Variants in TMEM225B observed in about 807,000 individuals in gnomAD.
TMEM225B encodes transmembrane protein 225B, also known as transmembrane protein 225-like.
TMEM225B carries 10 observed loss-of-function variants against 16.9 expected under a neutral mutation model. That is an observed-to-expected ratio of 0.59 (90% CI 0.36 to 1.00). The LOEUF (loss-of-function observed/expected upper bound fraction) is 1.00. TMEM225B is among the 50% of genes least tolerant of loss of function. The probability of loss-of-function intolerance (pLI) is 0.01; values close to 1 mark genes in which losing one functional copy is unlikely to be tolerated. For missense variants in TMEM225B, 217 were observed against 267.0 expected, an observed-to-expected ratio of 0.81 and a Z score of 1.30; for synonymous variants, 92 against 109.8, an observed-to-expected ratio of 0.84 and a Z score of 1.01.
chr7:99,607,323 G>C (rs754931783), intron 4 of TMEM225B, among the ~76,000 whole-genome samples: 4 of 152,094 alleles, frequency 2.6e-5, no homozygotes, highest in Non-Finnish European at 5.9e-5. Context: ...GGTGACCCAG[G>C]CTCCACCCTG....
chr7:99,604,195 T>C (rs924112915), intron 2 of TMEM225B, among the ~76,000 whole-genome samples, 191 bp from the exon 3 acceptor site: 5 of 151,962 alleles, frequency 3.3e-5, no homozygotes, highest in Admixed American at 6.5e-5. Context: ...AAGCATTTTA[T>C]GCATTTTTTT....
rs922291678 is a variant in TMEM225B, at chr7:99,606,721, T to C, written c.209-27T>C. 5 of 1,534,618 alleles carry C rather than the reference T, an allele frequency of 3.3e-6. No homozygotes were observed. In the African/African-American group the frequency reaches 6.8e-5, roughly 21 times the overall value. On this transcript the variant is annotated intron_variant, in intron 3 of 5. Transcript: ENST00000431679. ...CCTTTCCGGGTCAGGGTTCCCAGCT[T>C]CAGCCCCACTTCTCCCTCCCCTGCA...
At chr7:99,608,170 G>A (rs1805984066) in intron 5 of TMEM225B, among the ~76,000 whole-genome samples, 1 of 152,108 alleles carries the variant, frequency 6.6e-6, no homozygotes, top group African/African-American at 2.4e-5. Flanking sequence ...CAGGAGAATC[G>A]CTTGAACCCA....
intron 4 of TMEM225B, among the ~76,000 whole-genome samples, chr7:99,607,347 C>A (rs900603759): frequency 1.3e-5 from 2 of 152,046 alleles, no homozygotes; most frequent in African/African-American, 4.8e-5. Context: ...GGCTCCTAGG[C>A]AAATGGTGGA....
intron 3 of TMEM225B, among the ~76,000 whole-genome samples, chr7:99,606,445 C>T (rs904520938): frequency 9.9e-5 from 15 of 151,984 alleles, no homozygotes; most frequent in African/African-American, 3.6e-4. Context: ...CCAGCTGGGG[C>T]GATAGAGGGA....
chr7:99,609,256 C>T (rs187825204), intron 5 of TMEM225B, among the ~76,000 whole-genome samples: 3 of 152,212 alleles, frequency 2.0e-5, no homozygotes, highest in East Asian at 1.9e-4. Context: ...TATATTTTAA[C>T]CTTTTAATTC....
rs1805624158 is a variant in TMEM225B at position 99,604,467 on chromosome 7, A to T, written c.79A>T (p.Ile27Phe). Residue 27 changes from isoleucine to phenylalanine, a missense_variant, in exon 3 of 6, where the codon ATT becomes TTT. By Grantham distance (21) the Ile-to-Phe change is conservative. Coordinates refer to ENST00000431679, the MANE Select transcript of TMEM225B (RefSeq NM_001195541.3). The part of the protein sequence containing the change: ...VPALTSLGYL[I>F]ILVVSIFPFW... The stretch of plus-strand genomic sequence containing the variant: ...AGCCTTAACCTCCCTAGGCTACCTG[A>T]TTATACTGGTGGTCTCCATCTTTCC... 6.5e-7 allele frequency: 1 copy of T among 1,536,000 alleles called. No homozygotes were observed. Among genetic ancestry groups the T allele is most frequent in the African/African-American group, 1.4e-5 (1 of 73,134 alleles).
rs72285430 is a variant in TMEM225B at position 99,608,839 on chromosome 7, G to GTATATATATA, written c.493+1040_493+1049dup. On this transcript the variant is annotated intron_variant, in intron 5 of 5. Transcript: ENST00000431679. ...CATACATATATGTGTGTGTGTGCAC[G>GTATATATATA]TATATATATATATATATATACACAC... Among the ~76,000 whole-genome samples, 388 of 132,532 alleles carry GTATATATATA rather than the reference G, an allele frequency of 2.9e-3. 3 individuals are homozygous for GTATATATATA. The highest frequency in any genetic ancestry group is 8.7e-3 in the African/African-American group (283 of 32,694). The allele number at this position is 132,532 out of a possible 152,430, so 86.9% of individuals were successfully genotyped here. A position where few individuals can be genotyped will look rare whatever the true frequency, so the allele number is the denominator to read the frequency against.
At chr7:99,603,373 C>T (rs1584306446) in intron 2 of TMEM225B, among the ~76,000 whole-genome samples, 1 of 152,148 alleles carries the variant, frequency 6.6e-6, no homozygotes, top group Non-Finnish European at 1.5e-5. Context: ...GTCCTGATGG[C>T]CAGTAGAGGT....
intron 2 of TMEM225B, among the ~76,000 whole-genome samples, chr7:99,602,389 T>G (rs1339688478): frequency 1.3e-5 from 2 of 152,214 alleles, no homozygotes; most frequent in African/African-American, 4.8e-5. Flanking sequence ...ATTTTAGAAG[T>G]CTGCCCTCCA....
At chr7:99,599,992 C>T (rs771398354) in intron 1 of TMEM225B, among the ~76,000 whole-genome samples, 17 of 152,204 alleles carry the variant, frequency 1.1e-4, no homozygotes, top group Non-Finnish European at 2.2e-4. Flanking sequence ...TAACCTTGTC[C>T]AGTGCTGGCA....
At position 99,604,348 on chromosome 7, in the gene TMEM225B, C is replaced by A; in HGVS notation, c.-3-38C>A. 2.8e-6 allele frequency: 4 copies of A among 1,442,478 alleles called. No individual in the cohort carries two copies. In the South Asian group the frequency reaches 3.7e-5, roughly 13 times the overall value. The allele number at this position is 1,442,478 out of a possible 1,614,324, so 89.4% of individuals were successfully genotyped here. ...CTCTGTGCTGCAGGAGAATTTGGGT[C>A]GGTGTCCCACCTCCACGATCACTTT... On this transcript the variant is annotated intron_variant, in intron 2 of 5. Transcript: ENST00000431679.
chr7:99,607,856 A>G lies in TMEM225B; in HGVS notation c.493+46A>G, dbSNP rs1378589504. The G allele has an allele frequency of 2.6e-6, 4 of 1,523,780 alleles. No individual in the cohort carries two copies. The South Asian group carries it at 4.9e-5, about 19-fold the overall frequency. 94.4% of individuals were successfully genotyped at this position (1,523,780 alleles called of 1,614,324 possible). A position where few individuals can be genotyped will look rare whatever the true frequency, so the allele number is the denominator to read the frequency against. ...GCCCTGCTTCTTGTCCTCGGTCTGG[A>G]TTTAGGAACCTGTCTTGTGGAGGCC... On this transcript the variant is annotated intron_variant, in intron 5 of 5. Transcript: ENST00000431679.
intron 2 of TMEM225B, among the ~76,000 whole-genome samples, chr7:99,604,142 G>A (rs990455695): frequency 6.6e-6 from 1 of 152,148 alleles, no homozygotes; most frequent in Non-Finnish European, 1.5e-5. Context: ...GCTCAGAGAG[G>A]GAACCTGACA....
chr7:99,598,520 G>C (rs1018638155), intron 1 of TMEM225B, 139 bp downstream of exon 1: 1 of 152,564 alleles, frequency 6.6e-6, no homozygotes, highest in Non-Finnish European at 1.5e-5. Context: ...CGGGGCAGGG[G>C]CTGGGGGCGG....
At chr7:99,608,838 C>CTTATATATATATATATAT (rs1562956515) in intron 5 of TMEM225B, among the ~76,000 whole-genome samples, 1 of 110,020 alleles carries the variant, frequency 9.1e-6, no homozygotes, top group Non-Finnish European at 1.6e-5. Flanking sequence ...TGTGTGTGCA[C>CTTATATATATATATATAT]GTATATATAT....
rs190575758 is a variant in TMEM225B, at chr7:99,607,897, C to G, written c.493+87C>G. The G allele has an allele frequency of 5.7e-3, 8,026 of 1,410,480 alleles. 33 individuals are homozygous for G. The highest frequency in any genetic ancestry group is 6.5e-3 in the South Asian group (466 of 71,856). 87.4% of individuals were successfully genotyped at this position (1,410,480 alleles called of 1,614,324 possible). ...TGTGGAGGCCCTCCCTTTGGATTCT[C>G]TAGAATTGCACTGTTCCAAACCGCA... On this transcript the variant is annotated intron_variant, in intron 5 of 5. Coordinates refer to ENST00000431679, the MANE Select transcript of TMEM225B (RefSeq NM_001195541.3).
At chr7:99,608,357 A>G (rs2151218243) in intron 5 of TMEM225B, among the ~76,000 whole-genome samples, 1 of 152,244 alleles carries the variant, frequency 6.6e-6, no homozygotes, top group Non-Finnish European at 1.5e-5. Context: ...ACACTGTCAT[A>G]TTGGACAGTG....
chr7:99,599,821 C>T (rs997792215), intron 1 of TMEM225B, among the ~76,000 whole-genome samples: 4 of 152,234 alleles, frequency 2.6e-5, no homozygotes, highest in Non-Finnish European at 4.4e-5. Flanking sequence ...TGTGCCAGCA[C>T]TGATGGGCTG....
Sources: allele counts gnomAD v4.1 joint callset (sites outside exome capture counted in the v4.1 genomes callset), GRCh38; gene constraint gnomAD v4.1.1; transcripts MANE v1.5; gene names NCBI Gene and HGNC (gene_info 2026-07-23, HGNC 2026-07-21).